Variants in SASH1 observed in about 807,000 individuals in gnomAD.
SASH1 encodes the protein SAM and SH3 domain containing 1.
SASH1 carries 44 observed loss-of-function variants against 125.2 expected under a neutral mutation model. The ratio of observed to expected loss-of-function variants is 0.35; its 90% CI spans 0.28 to 0.45. The LOEUF (loss-of-function observed/expected upper bound fraction) is 0.45. SASH1 is among the 20% of genes least tolerant of loss of function. SASH1 has a pLI of 1.00. For synonymous variants in SASH1, 639 were observed against 649.1 expected (o/e 0.98, Z 0.24); for missense variants, 1,426 against 1,614.5 (o/e 0.88, Z 2.00).
Position 148,532,986 on chromosome 6 carries a change from C to G in SASH1, c.1734+20C>G, listed in dbSNP as rs771425571. 1.2e-6 allele frequency: 2 copies of G among 1,612,190 alleles called. No individual in the cohort carries two copies. Among genetic ancestry groups the G allele is most frequent in the Non-Finnish European group, 1.7e-6 (2 of 1,178,540 alleles). On this transcript the variant is annotated intron_variant, in intron 14 of 19. Transcript: ENST00000367467. This position sits in a 1 kb window ranked among gnomAD's most constrained non-coding sequence, Gnocchi z 4.7. ...CTCAAGGTATCTCTCTCCCTGGCCTCAGAGCAGCTAACTGGGCTCTTCCAT... is the reference window on the plus strand; with the variant it reads ...CTCAAGGTATCTCTCTCCCTGGCCTGAGAGCAGCTAACTGGGCTCTTCCAT...
At chr6:148,352,664 T>C (rs1407297969) in intron 1 of SASH1, among the ~76,000 whole-genome samples, 2 of 151,792 alleles carry the variant, frequency 1.3e-5, no homozygotes, top group Admixed American at 1.3e-4. Flanking sequence ...TGACATACGA[T>C]GAGCAGTTCA....
intron 8 of SASH1, among the ~76,000 whole-genome samples, chr6:148,493,203 G>A (rs933351584): frequency 4.6e-5 from 7 of 152,182 alleles, no homozygotes; most frequent in Admixed American, 6.5e-5. Flanking sequence ...GCTGTTCAGA[G>A]CTACAACCCA....
chr6:148,368,102 G>A (rs142825310), intron 1 of SASH1, among the ~76,000 whole-genome samples: 1 of 152,268 alleles, frequency 6.6e-6, no homozygotes, highest in East Asian at 1.9e-4. Context: ...AAATATTATG[G>A]GGTGGGGATT....
intron 16 of SASH1, among the ~76,000 whole-genome samples, chr6:148,540,080 C>T (rs1356681263): frequency 6.6e-6 from 1 of 152,136 alleles, no homozygotes; most frequent in Non-Finnish European, 1.5e-5. Context: ...TCTTTCTTTG[C>T]TTCTCCTTGA....
chr6:148,455,411 G>A lies in SASH1; in HGVS notation c.387-13134G>A, dbSNP rs111892860. 5.3e-3 allele frequency among the ~76,000 whole-genome samples: 801 copies of A among 152,272 alleles called. 7 individuals carry two copies. Among genetic ancestry groups the A allele is most frequent in the African/African-American group, 0.018 (734 of 41,556 alleles). Reference sequence around the variant, plus strand: ...TGATGTGGGTAGAGGTCATTTCATCGTCACGGTGACCTTGGAAAGCTTCCC... The same window carrying A: ...TGATGTGGGTAGAGGTCATTTCATCATCACGGTGACCTTGGAAAGCTTCCC... On this transcript the variant is annotated intron_variant, in intron 4 of 19. Transcript: ENST00000367467.
At chr6:148,373,948 C>T (rs1202639842) in intron 1 of SASH1, among the ~76,000 whole-genome samples, 2 of 152,184 alleles carry the variant, frequency 1.3e-5, no homozygotes, top group African/African-American at 2.4e-5. Context: ...ACTCTGCACT[C>T]CAGCCTGGGT....
intron 8 of SASH1, among the ~76,000 whole-genome samples, chr6:148,511,621 C>T (rs1780146344): frequency 6.6e-6 from 1 of 152,100 alleles, no homozygotes; most frequent in Admixed American, 6.5e-5. Context: ...ATAAATGGAA[C>T]ATGTGAAAAC....
chr6:148,347,088 T>C (rs2114648453), intron 1 of SASH1, among the ~76,000 whole-genome samples: 1 of 152,334 alleles, frequency 6.6e-6, no homozygotes, highest in South Asian at 2.1e-4. Context: ...GCTAAGGTTG[T>C]TGATACAGTT....
chr6:148,351,191 G>GTT lies in SASH1; in HGVS notation c.156+7990_156+7991dup, dbSNP rs67285564. On this transcript the variant is annotated intron_variant, in intron 1 of 19. Transcript: ENST00000367467. Reference sequence around the variant, plus strand: ...CTAGTATTTCCTTTCTGCGATAGTAGTTTTTTTTTTTTTTTTTTTTTTTCT... The same window carrying GTT: ...CTAGTATTTCCTTTCTGCGATAGTAGTTTTTTTTTTTTTTTTTTTTTTTTTCT... Among the ~76,000 whole-genome samples the GTT allele has an allele frequency of 7.9e-3, 806 of 102,124 alleles. 18 individuals are homozygous for GTT. The highest frequency in any genetic ancestry group is 9.8e-3 in the Non-Finnish European group (482 of 49,178). 67.0% of individuals were successfully genotyped at this position (102,124 alleles called of 152,430 possible).
intron 1 of SASH1, among the ~76,000 whole-genome samples, chr6:148,308,874 A>G (rs1780216647): frequency 6.6e-6 from 1 of 150,744 alleles, no homozygotes; most frequent in Admixed American, 6.6e-5. Flanking sequence ...ACCTGAGGTC[A>G]GGAGTTCGAG....
rs755111773 is a variant in SASH1, at chr6:148,544,733, C to T, written c.3263C>T (p.Ala1088Val). The T allele has an allele frequency of 1.2e-6, 2 of 1,608,656 alleles. No homozygotes were observed. The highest frequency in any genetic ancestry group is 4.5e-5 in the East Asian group (2 of 44,754). Residue 1088 changes from alanine to valine, a missense_variant, in exon 18 of 20, where the codon GCC (alanine) becomes GTC (valine). Physicochemically the swap from Ala to Val is moderately conservative, Grantham distance 64 (BLOSUM62 0). Coordinates refer to ENST00000367467, the MANE Select transcript of SASH1 (RefSeq NM_015278.5). This position sits in a 1 kb window ranked among gnomAD's most constrained non-coding sequence, Gnocchi z 6.4. Reference sequence around the variant, plus strand: ...GCTTTGACCAGGAAGGTCTCCTGTGCCCGGGGAGTGGATCTAGAAACGCTC... The same window carrying T: ...GCTTTGACCAGGAAGGTCTCCTGTGTCCGGGGAGTGGATCTAGAAACGCTC... ...GPALTRKVSCARGVDLETLTE... is the reference protein window; with the variant it reads ...GPALTRKVSCVRGVDLETLTE...
In SASH1 at chr6:148,543,911, T is replaced by C; in HGVS notation, c.2441T>C (p.Leu814Pro). 6.2e-7 allele frequency: 1 copy of C among 1,614,148 alleles called. No individual in the cohort carries two copies. The highest frequency in any genetic ancestry group is 8.5e-7 in the Non-Finnish European group (1 of 1,180,022). The change falls in exon 18 of 20, where the codon CTC (leucine) becomes CCC (proline). Residue 814 changes from leucine (L) to proline (P), a missense_variant. By Grantham distance (98) the Leu-to-Pro change is moderately conservative. This residue lies in a region of SASH1 where 634 missense variants were observed against 694.4 expected (regional missense o/e 0.91). Transcript: ENST00000367467. Reference sequence around the variant, plus strand: ...GGTTTGAATAAAAACCGAAGAAGCCTCCCAGTTTCCATCTGCCGGAGCTGT... The same window carrying C: ...GGTTTGAATAAAAACCGAAGAAGCCCCCCAGTTTCCATCTGCCGGAGCTGT... ...VTGLNKNRRS[L>P]PVSICRSCET...
intron 10 of SASH1, among the ~76,000 whole-genome samples, chr6:148,521,429 A>C (rs1283909970): frequency 6.6e-6 from 1 of 152,260 alleles, no homozygotes; most frequent in Non-Finnish European, 1.5e-5. Context: ...CTTTTGTGAA[A>C]GTGAAGACGG....
At chr6:148,427,438 C>T (rs1229499672) in intron 2 of SASH1, among the ~76,000 whole-genome samples, 2 of 152,186 alleles carry the variant, frequency 1.3e-5, no homozygotes, top group African/African-American at 4.8e-5. Context: ...GTGTTTTGTA[C>T]ACTGTAAAAG....
At chr6:148,449,675 C>T (rs915886887) in intron 4 of SASH1, among the ~76,000 whole-genome samples, 10 of 152,188 alleles carry the variant, frequency 6.6e-5, no homozygotes, top group Non-Finnish European at 1.5e-4. Context: ...GTGTGAGCCA[C>T]TGCGCCCAGT....
chr6:148,406,348 AAAG>A (rs1159407522), intron 2 of SASH1, among the ~76,000 whole-genome samples: 2 of 152,232 alleles, frequency 1.3e-5, no homozygotes, highest in Non-Finnish European at 2.9e-5. Context: ...GATAAAAAAA[AAAG>A]AAGTCGTAGA....
Position 148,533,967 on chromosome 6 carries a change from G to A in SASH1, c.1931G>A (p.Arg644Gln), listed in dbSNP as rs146469118. 6.1e-5 allele frequency: 98 copies of A among 1,613,736 alleles called. No homozygotes were observed. The highest frequency in any genetic ancestry group is 1.6e-4 in the Middle Eastern group (1 of 6,076). Reference protein sequence around the residue: ...QPKSVEDLLDRINLKEHMPTF... With the variant: ...QPKSVEDLLDQINLKEHMPTF... ...AAGTCTGTGGAGGATCTCCTGGATCGGATTAACCTAAAAGTCAGTCGCTTC... is the reference window on the plus strand; with the variant it reads ...AAGTCTGTGGAGGATCTCCTGGATCAGATTAACCTAAAAGTCAGTCGCTTC... The change falls in exon 15 of 20, where the codon CGG becomes CAG. Residue 644 changes from arginine (R) to glutamine (Q), a missense_variant. Physicochemically the swap from Arg to Gln is conservative, Grantham distance 43. This residue lies in a region of SASH1 where 225 missense variants were observed against 344.5 expected (regional missense o/e 0.65). Transcript: ENST00000367467. The surrounding 1 kb of genome is among the most constrained non-coding windows in gnomAD (Gnocchi z 6.2).
intron 4 of SASH1, among the ~76,000 whole-genome samples, chr6:148,452,400 C>G (rs1777139877): frequency 6.6e-6 from 1 of 152,134 alleles, no homozygotes; most frequent in South Asian, 2.1e-4. Context: ...CAGGGTCCTT[C>G]TAGCTCAGGC....
chr6:148,537,108 A>ATGAT (rs757298745), intron 16 of SASH1, among the ~76,000 whole-genome samples: 3 of 152,226 alleles, frequency 2.0e-5, no homozygotes, highest in African/African-American at 7.2e-5. Flanking sequence ...AACTGATAAC[A>ATGAT]TGATAGGTTT....
Sources: gnomAD v4.1 joint callset for allele counts (sites outside exome capture counted in the v4.1 genomes callset) on GRCh38, gnomAD v4.1.1 for gene constraint, gnomAD v4.1.1 regional missense constraint, Gnocchi (gnomAD v3.1) non-coding constraint, MANE v1.5 for transcripts, NCBI Gene and HGNC (gene_info 2026-07-23, HGNC 2026-07-21) for gene names.